The following SPRY3 variants were observed in gnomAD, a reference collection of about 807,000 sequenced individuals.
SPRY3 encodes the protein sprouty RTK signaling antagonist 3, also known as protein sprouty homolog 3.
SPRY3 carries 15 observed loss-of-function variants against 20.2 expected under a neutral mutation model. The ratio of observed to expected loss-of-function variants is 0.74; its 90% CI spans 0.50 to 1.14. SPRY3 has a LOEUF of 1.14. SPRY3 is among the 50% of genes most tolerant of loss of function. The pLI, the probability that SPRY3 is intolerant of heterozygous loss-of-function variation, is 0.00. For missense variants in SPRY3, 364 were observed against 363.9 expected, an observed-to-expected ratio of 1.00 and a Z score of 0.00; for synonymous variants, 143 against 136.5, an observed-to-expected ratio of 1.05 and a Z score of -0.33.
At chrX:155,651,860 G>A (rs520792) in intron 1 of SPRY3, among the ~76,000 whole-genome samples, 61,467 of 110,544 alleles carry the variant, frequency 0.56, 14,352 homozygotes, top group Middle Eastern at 0.78. Context: ...GTCCATTCTC[G>A]CATTGTTATA....
In SPRY3 at chrX:155,758,087, T is replaced by C. The variant is rs191055796; in HGVS notation, c.-281-9875T>C. 5.9e-5 allele frequency among the ~76,000 whole-genome samples: 9 copies of C among 152,320 alleles called. No homozygotes were observed. The East Asian group carries it at 1.7e-3, about 29-fold the overall frequency. ...CATCATTATTTAACCCCTCTGTTCTTCTATCCATTTGTTTTAGCAGACTGT... is the reference window on the plus strand; with the variant it reads ...CATCATTATTTAACCCCTCTGTTCTCCTATCCATTTGTTTTAGCAGACTGT... On this transcript the variant is annotated intron_variant, in intron 2 of 3. Coordinates refer to ENST00000675360, the Ensembl canonical transcript of SPRY3.
At chrX:155,767,415 C>T (rs1180997425) in intron 2 of SPRY3, among the ~76,000 whole-genome samples, 1 of 152,060 alleles carries the variant, frequency 6.6e-6, no homozygotes, top group East Asian at 1.9e-4. Context: ...CACCCTGAGC[C>T]ATATAAATAA....
At chrX:155,631,803 GT>G (rs781876410) in intron 1 of SPRY3, among the ~76,000 whole-genome samples, 1 of 111,072 alleles carries the variant, frequency 9.0e-6, no homozygotes, top group East Asian at 2.8e-4. Flanking sequence ...TGGGTACATA[GT>G]TGGTGTATAT....
intron 1 of SPRY3, among the ~76,000 whole-genome samples, chrX:155,626,740 G>T (rs2067889479): frequency 9.0e-6 from 1 of 111,171 alleles, no homozygotes; most frequent in South Asian, 3.7e-4. Flanking sequence ...GAGATGTAAG[G>T]GTTCAACTTC....
At chrX:155,737,671 C>T (rs990240118) in intron 2 of SPRY3, among the ~76,000 whole-genome samples, 4 of 152,134 alleles carry the variant, frequency 2.6e-5, no homozygotes, top group South Asian at 2.1e-4. Context: ...AAGAAGTTCA[C>T]TGTGGCTGGA....
intron 2 of SPRY3, among the ~76,000 whole-genome samples, chrX:155,740,560 C>T (rs1376008936): frequency 6.6e-6 from 1 of 152,032 alleles, no homozygotes; most frequent in Non-Finnish European, 1.5e-5. Context: ...TGAAATACGC[C>T]CTGGTCTCCT....
intron 2 of SPRY3, among the ~76,000 whole-genome samples, chrX:155,710,861 T>A: frequency 6.6e-6 from 1 of 151,530 alleles, no homozygotes; most frequent in South Asian, 2.1e-4. Context: ...TTTTTTAGGG[T>A]TTTTCTTTAT....
At chrX:155,773,702 G>T in intron 3 of SPRY3, 64 bp from the exon 3 acceptor site, 2 of 721,200 alleles carry the variant, frequency 2.8e-6, no homozygotes, top group Non-Finnish European at 2.3e-6. Context: ...GAGCTTTGTT[G>T]GTTTCTTGCA....
At chrX:155,709,946 C>G (rs2090974935) in intron 2 of SPRY3, among the ~76,000 whole-genome samples, 1 of 151,564 alleles carries the variant, frequency 6.6e-6, no homozygotes, top group Non-Finnish European at 1.5e-5. Flanking sequence ...GTTCTTGGCA[C>G]TTTTACAGAA....
chrX:155,774,225 AG>A lies in SPRY3; in HGVS notation c.355del (p.Ala119GlnfsTer11). 1 of 1,613,998 alleles carries A rather than the reference AG, an allele frequency of 6.2e-7. No individual in the cohort carries two copies. The highest frequency in any genetic ancestry group is 8.5e-7 in the Non-Finnish European group (1 of 1,179,866). On this transcript the variant is annotated frameshift_variant, in exon 4 of 4. Transcript: ENST00000675360. LOFTEE classifies it high-confidence loss of function. Reference sequence around the variant, plus strand: ...AATCCATCATCCGAACCCAACCTGGAGCAGGGGTCCACCCAAAGGCTGATGG... The same window carrying A: ...AATCCATCATCCGAACCCAACCTGGACAGGGGTCCACCCAAAGGCTGATGG...
intron 2 of SPRY3, among the ~76,000 whole-genome samples, chrX:155,721,243 C>T (rs1391724973): frequency 1.3e-5 from 2 of 151,904 alleles, no homozygotes; most frequent in Non-Finnish European, 2.9e-5. Flanking sequence ...TGAAAATGCA[C>T]AGTCAGAGAA....
chrX:155,764,000 T>C (rs1040474374), intron 2 of SPRY3, among the ~76,000 whole-genome samples: 18 of 152,322 alleles, frequency 1.2e-4, no homozygotes, highest in Non-Finnish European at 1.8e-4. Flanking sequence ...GTAAAGAAGA[T>C]ATTTCCAAGG....
chrX:155,776,752 G>A lies in SPRY3; in HGVS notation c.*2014G>A, dbSNP rs1251809528. ...GAGAAGTGTATAGTAGTACACGGGG[G>A]GAAGAGGGGACCTCCATGTCCCTTT... On this transcript the variant is annotated 3_prime_UTR_variant, in exon 4 of 4. Coordinates refer to ENST00000675360, the Ensembl canonical transcript of SPRY3. 4.8e-5 allele frequency: 8 copies of A among 167,146 alleles called. No individual in the cohort carries two copies. The East Asian group carries it at 1.5e-3, about 32-fold the overall frequency. The allele number at this position is 167,146 out of a possible 1,614,324, so 10.4% of individuals were successfully genotyped here.
chrX:155,768,086 G>A lies in SPRY3; in HGVS notation c.-157G>A, dbSNP rs1044596248. The A allele has an allele frequency of 1.3e-5, 2 of 152,084 alleles. No individual in the cohort carries two copies. Among genetic ancestry groups the A allele is most frequent in the Non-Finnish European group, 2.9e-5 (2 of 68,020 alleles). 9.4% of individuals were successfully genotyped at this position (152,084 alleles called of 1,614,324 possible). A position where few individuals can be genotyped will look rare whatever the true frequency, so the allele number is the denominator to read the frequency against. On this transcript the variant is annotated 5_prime_UTR_variant, in exon 3 of 4. It removes an upstream start codon present in the reference 5' UTR. Transcript: ENST00000675360. ...GGAGAAGAGATCCTTTGAGCCAGAT[G>A]GGGCATTAGTTCTTCTGCTTTTCTC...
chrX:155,645,682 G>A (rs1343351915), intron 1 of SPRY3, among the ~76,000 whole-genome samples: 1 of 112,406 alleles, frequency 8.9e-6, no homozygotes, highest in Non-Finnish European at 1.9e-5. Context: ...GCACCACATG[G>A]CCACTGCCAG....
At chrX:155,741,725 C>T (rs1395611455) in intron 2 of SPRY3, among the ~76,000 whole-genome samples, 3 of 151,984 alleles carry the variant, frequency 2.0e-5, no homozygotes, top group African/African-American at 2.4e-5. Flanking sequence ...AATTTCCAAC[C>T]CAGAACATCT....
chrX:155,709,648 G>A (rs1386693787), intron 2 of SPRY3, among the ~76,000 whole-genome samples: 1 of 151,662 alleles, frequency 6.6e-6, no homozygotes, highest in East Asian at 1.9e-4. Context: ...TCTTTGCTGT[G>A]CAGTAGCTCT....
chrX:155,767,176 C>T (rs913784815), intron 2 of SPRY3, among the ~76,000 whole-genome samples: 1 of 152,014 alleles, frequency 6.6e-6, no homozygotes, highest in South Asian at 2.1e-4. Flanking sequence ...GATGACGCCA[C>T]TTCGCCAAGC....
intron 1 of SPRY3, among the ~76,000 whole-genome samples, chrX:155,626,168 A>T (rs1317491042): frequency 9.0e-6 from 1 of 111,658 alleles, no homozygotes; most frequent in African/African-American, 3.2e-5. Context: ...CTGGCAACGT[A>T]TGAGGTCTCC....
Sources: gnomAD v4.1 joint callset for allele counts (sites outside exome capture counted in the v4.1 genomes callset) on GRCh38, gnomAD v4.1.1 for gene constraint, MANE v1.5 for transcripts, NCBI Gene and HGNC (gene_info 2026-07-23, HGNC 2026-07-21) for gene names.